The following TAMM41 variants were observed in gnomAD, a reference collection of about 807,000 sequenced individuals.
TAMM41 encodes phosphatidate cytidylyltransferase, mitochondrial.
Under a neutral mutation model 44.1 loss-of-function variants are expected in TAMM41, and 36 were observed. The ratio of observed to expected loss-of-function variants is 0.82; its 90% CI spans 0.63 to 1.08. The LOEUF is 1.08. TAMM41 is among the 50% of genes least tolerant of loss of function. The pLI is 0.00. For synonymous variants in TAMM41, 164 were observed against 153.1 expected (o/e 1.07, Z -0.53); for missense variants, 417 against 404.3 (o/e 1.03, Z -0.27).
Position 11,822,972 on chromosome 3 carries a change from T to C in TAMM41, c.563-5635A>G, listed in dbSNP as rs568841192. Among the ~76,000 whole-genome samples the C allele has an allele frequency of 3.9e-5, 6 of 152,340 alleles. No individual in the cohort carries two copies. In the East Asian group the frequency reaches 1.2e-3, roughly 29 times the overall value. Reference sequence around the variant, plus strand: ...CTGCCAGGCTTTTTTCCAAAGCAGCTGTACCACTTTACAATCTAATCAGCA... The same window carrying C: ...CTGCCAGGCTTTTTTCCAAAGCAGCCGTACCACTTTACAATCTAATCAGCA... On this transcript the variant is annotated intron_variant, in intron 4 of 7. Coordinates refer to ENST00000455809, the MANE Select transcript of TAMM41 (RefSeq NM_001284401.2).
chr3:11,825,502 C>T (rs1471539823), intron 4 of TAMM41, among the ~76,000 whole-genome samples: 2 of 152,164 alleles, frequency 1.3e-5, no homozygotes, highest in East Asian at 1.9e-4. Context: ...CCAGAGAAAA[C>T]GTTTCTTTAC....
intron 6 of TAMM41, chr3:11,808,630 C>A: frequency 1.0e-6 from 1 of 984,988 alleles, no homozygotes; most frequent in Non-Finnish European, 1.2e-6. Flanking sequence ...GGGACTCATT[C>A]TCAATTTCAT....
the TAMM41 span, among the ~76,000 whole-genome samples, chr3:11,769,008 G>C: frequency 6.6e-6 from 1 of 152,372 alleles, no homozygotes; most frequent in East Asian, 1.9e-4. Flanking sequence ...GGGCATGGCT[G>C]AGGATGTGAG....
At chr3:11,784,782 ACTT>A in the TAMM41 span, among the ~76,000 whole-genome samples, 2 of 148,266 alleles carry the variant, frequency 1.3e-5, no homozygotes, top group Non-Finnish European at 3.0e-5. Flanking sequence ...AAGTGAGAAC[ACTT>A]CTTTTCTTTT....
At chr3:11,791,780 TC>T (rs1415118944) in intron 7 of TAMM41, among the ~76,000 whole-genome samples, 1 of 152,084 alleles carries the variant, frequency 6.6e-6, no homozygotes, top group East Asian at 1.9e-4. Flanking sequence ...AATGAATACT[TC>T]CAGACACTCT....
At chr3:11,836,601 T>C (rs1374562183) in intron 3 of TAMM41, among the ~76,000 whole-genome samples, 5 of 152,288 alleles carry the variant, frequency 3.3e-5, no homozygotes, top group African/African-American at 7.2e-5. Context: ...ATGGCTGGGA[T>C]TACTGGCGTG....
At chr3:11,821,081 A>T (rs1051990212) in intron 4 of TAMM41, among the ~76,000 whole-genome samples, 1 of 152,180 alleles carries the variant, frequency 6.6e-6, no homozygotes, top group Non-Finnish European at 1.5e-5. Flanking sequence ...AACCTTACAA[A>T]GTTGCTTTCA....
rs750034075 is a variant in TAMM41, at chr3:11,809,649, G to A, written c.742C>T (p.Leu248=). ...TGTAAGGTTTTGGGCAATGTCATCA[G>A]CTGAGTGAACTGTCCTTCTGGGCTT... ...DKSPEGQFTQ[L]MTLPKTLQQQ... Residue 248 remains leucine (L), a synonymous_variant, in exon 6 of 8, where the codon CTG becomes TTG. Transcript: ENST00000455809. 5.6e-6 allele frequency: 9 copies of A among 1,614,008 alleles called. No individual in the cohort carries two copies. In the South Asian group the frequency reaches 9.9e-5, roughly 18 times the overall value.
rs1296633945 is a variant in TAMM41 at position 11,846,784 on chromosome 3, G to A, written c.-148C>T. On this transcript the variant is annotated 5_prime_UTR_variant, in exon 1 of 8. Transcript: ENST00000455809. Reference sequence around the variant, plus strand: ...GGCTGAGTGTGGGGTGGGACTGCAAGCACACGCAAGGATTGGGGCGTTGGG... The same window carrying A: ...GGCTGAGTGTGGGGTGGGACTGCAAACACACGCAAGGATTGGGGCGTTGGG... 2 of 1,036,102 alleles carry A rather than the reference G, an allele frequency of 1.9e-6. No individual in the cohort carries two copies. Among genetic ancestry groups the A allele is most frequent in the East Asian group, 5.1e-5 (2 of 39,084 alleles). 64.2% of individuals were successfully genotyped at this position (1,036,102 alleles called of 1,614,324 possible). A position where few individuals can be genotyped will look rare whatever the true frequency, so the allele number is the denominator to read the frequency against.
the TAMM41 span, among the ~76,000 whole-genome samples, chr3:11,779,313 GGAGAGCAAA>G: frequency 6.6e-6 from 1 of 152,108 alleles, no homozygotes; most frequent in Non-Finnish European, 1.5e-5. Flanking sequence ...CAAATTAAAG[GGAGAGCAAA>G]GAGAGGAGGA....
chr3:11,778,307 C>T, the TAMM41 span, among the ~76,000 whole-genome samples: 1 of 152,210 alleles, frequency 6.6e-6, no homozygotes, highest in Non-Finnish European at 1.5e-5. Flanking sequence ...TCACAGCAAA[C>T]CTCCAACTCC....
At chr3:11,812,651 A>G (rs1024278864) in intron 5 of TAMM41, among the ~76,000 whole-genome samples, 2 of 152,142 alleles carry the variant, frequency 1.3e-5, no homozygotes, top group African/African-American at 4.8e-5. Flanking sequence ...CTGCCACCCA[A>G]TTAATTTAGA....
intron 6 of TAMM41, 37 bp downstream of exon 6, chr3:11,809,480 G>A (rs1390907632): frequency 1.2e-6 from 2 of 1,609,606 alleles, no homozygotes; most frequent in South Asian, 1.1e-5. Flanking sequence ...TTTTCCCCAT[G>A]GCTGGCATTT....
At chr3:11,769,451 G>A in the TAMM41 span, among the ~76,000 whole-genome samples, 1 of 151,604 alleles carries the variant, frequency 6.6e-6, no homozygotes, top group Admixed American at 6.6e-5. Flanking sequence ...TGGATTAAGG[G>A]GTCAGCAGGC....
At chr3:11,751,036 C>T in the TAMM41 span, among the ~76,000 whole-genome samples, 1 of 151,888 alleles carries the variant, frequency 6.6e-6, no homozygotes, top group Non-Finnish European at 1.5e-5. Context: ...CACTCTCATC[C>T]CACAATGCCC....
chr3:11,835,989 C>G (rs1433328466), intron 3 of TAMM41, among the ~76,000 whole-genome samples: 1 of 133,042 alleles, frequency 7.5e-6, no homozygotes, highest in Non-Finnish European at 1.6e-5. Context: ...TATTCCTTTT[C>G]CTTTTTTTTT....
chr3:11,841,279 C>T (rs539750682), intron 2 of TAMM41, among the ~76,000 whole-genome samples: 1 of 152,136 alleles, frequency 6.6e-6, no homozygotes, highest in East Asian at 1.9e-4. Context: ...GACAGGGTTT[C>T]ACCATGTTGC....
At chr3:11,747,747 C>T in the TAMM41 span, among the ~76,000 whole-genome samples, 8,645 of 151,636 alleles carry the variant, frequency 0.057, 293 homozygotes, top group South Asian at 0.11. Context: ...GCCTAGGTGA[C>T]AGAATGAGAC....
intron 4 of TAMM41, among the ~76,000 whole-genome samples, chr3:11,817,730 C>T (rs1460061929): frequency 1.3e-5 from 2 of 152,176 alleles, no homozygotes; most frequent in Non-Finnish European, 2.9e-5. Flanking sequence ...TAGACTTGTC[C>T]TTGCCATTGC....
Sources: allele counts gnomAD v4.1 joint callset (sites outside exome capture counted in the v4.1 genomes callset), GRCh38; gene constraint gnomAD v4.1.1; transcripts MANE v1.5; gene names NCBI Gene and HGNC (gene_info 2026-07-23, HGNC 2026-07-21).